Variants in UBE2V2 observed in about 807,000 individuals in gnomAD.
The protein encoded by UBE2V2 is ubiquitin conjugating enzyme E2 V2, also known as ubiquitin-conjugating enzyme E2 variant 2.
Under a neutral mutation model 17.2 loss-of-function variants are expected in UBE2V2, and 9 were observed. That is an observed-to-expected ratio of 0.52 (90% confidence interval 0.32 to 0.91). UBE2V2 has a LOEUF of 0.91. Among genes scored for constraint, UBE2V2 ranks in the 40% least tolerant of loss-of-function variants. The pLI, the probability that UBE2V2 is intolerant of heterozygous loss-of-function variation, is 0.04. For missense variants in UBE2V2, 133 were observed against 182.6 expected, an observed-to-expected ratio of 0.73 and a Z score of 1.56; for synonymous variants, 61 against 57.5, an observed-to-expected ratio of 1.06 and a Z score of -0.28.
intron 1 of UBE2V2, among the ~76,000 whole-genome samples, chr8:48,025,700 C>T (rs2091339469): frequency 6.6e-6 from 1 of 151,530 alleles, no homozygotes. Context: ...CCTGGGTTCA[C>T]GCCATTCTCT....
upstream of UBE2V2, among the ~76,000 whole-genome samples, chr8:48,003,922 G>A (rs960263669): frequency 7.2e-5 from 11 of 152,162 alleles, no homozygotes; most frequent in African/African-American, 2.4e-4. Flanking sequence ...ATCCACTGGA[G>A]AGAGATGGGA....
intron 1 of UBE2V2, among the ~76,000 whole-genome samples, chr8:48,014,182 A>G (rs2091251994): frequency 6.6e-6 from 1 of 152,126 alleles, no homozygotes. Context: ...CATGCTTTTG[A>G]TAATATGGTA....
chr8:48,004,587 A>G (rs2091171897), upstream of UBE2V2, among the ~76,000 whole-genome samples: 1 of 145,794 alleles, frequency 6.9e-6, no homozygotes, highest in Non-Finnish European at 1.5e-5. Context: ...GCTGGAGTGC[A>G]GTGGTGTGAT....
At chr8:48,010,382 A>ACCG (rs979373031) in intron 1 of UBE2V2, among the ~76,000 whole-genome samples, 5 of 144,340 alleles carry the variant, frequency 3.5e-5, no homozygotes, top group African/African-American at 1.3e-4. Flanking sequence ...GGGGTGAGCC[A>ACCG]CCGTTCCCAT....
chr8:48,007,006 G>T (rs979281754), upstream of UBE2V2, among the ~76,000 whole-genome samples: 1 of 151,120 alleles, frequency 6.6e-6, no homozygotes, highest in Non-Finnish European at 1.5e-5. Flanking sequence ...TCAGCCTCCC[G>T]AGTAGCTGGG....
chr8:48,047,203 A>C (rs765247874), intron 2 of UBE2V2, among the ~76,000 whole-genome samples: 1 of 152,014 alleles, frequency 6.6e-6, no homozygotes, highest in African/African-American at 2.4e-5. Context: ...GGCCTCCCAA[A>C]GTGTTAGGAT....
chr8:48,007,141 G>A (rs532120845), upstream of UBE2V2, among the ~76,000 whole-genome samples: 10 of 151,664 alleles, frequency 6.6e-5, no homozygotes, highest in East Asian at 3.9e-4. Flanking sequence ...GCCCGCCTCC[G>A]CCTCCCAAAG....
chr8:48,052,911 A>C (rs975480198), intron 3 of UBE2V2, among the ~76,000 whole-genome samples: 6 of 151,678 alleles, frequency 4.0e-5, no homozygotes, highest in African/African-American at 1.5e-4. Flanking sequence ...TGTAAATTCC[A>C]CTTTCTTTTT....
chr8:48,049,087 C>T (rs2091518690), intron 2 of UBE2V2, among the ~76,000 whole-genome samples: 2 of 152,042 alleles, frequency 1.3e-5, no homozygotes, highest in African/African-American at 2.4e-5. Flanking sequence ...AAAATAAGCC[C>T]TGGATAATCT....
intron 1 of UBE2V2, among the ~76,000 whole-genome samples, chr8:48,037,404 A>G (rs1320200117): frequency 6.6e-6 from 1 of 152,234 alleles, no homozygotes. Context: ...GCCTTCCTGT[A>G]CTAGGCTCTT....
At chr8:48,023,576 C>G (rs1028263522) in intron 1 of UBE2V2, among the ~76,000 whole-genome samples, 1 of 151,978 alleles carries the variant, frequency 6.6e-6, no homozygotes, top group African/African-American at 2.4e-5. Context: ...CAGTAACATT[C>G]AGTGTTCAGG....
At chr8:48,060,223 A>G (rs1369701448) in intron 3 of UBE2V2, among the ~76,000 whole-genome samples, 1 of 150,984 alleles carries the variant, frequency 6.6e-6, no homozygotes, top group Non-Finnish European at 1.5e-5. Flanking sequence ...AAAAAAAAAA[A>G]AAAAAAAAAA....
rs139499482 is a variant in UBE2V2, at chr8:48,023,104, T to G, written c.16+14634T>G. ...TCTTTGACAGTTTGGTTATAACATG[T>G]CTTGGAGTAGTCTTATTTGGGTTGA... On this transcript the variant is annotated intron_variant, in intron 1 of 3. Transcript: ENST00000523111. Among the ~76,000 whole-genome samples, 516 of 152,284 alleles carry G rather than the reference T, an allele frequency of 3.4e-3. 1 individual carries two copies. The highest frequency in any genetic ancestry group is 5.6e-3 in the Non-Finnish European group (380 of 68,026).
intron 1 of UBE2V2, among the ~76,000 whole-genome samples, chr8:48,032,757 C>T (rs2091392609): frequency 6.6e-6 from 1 of 152,124 alleles, no homozygotes; most frequent in South Asian, 2.1e-4. Context: ...CATGCACACA[C>T]ACCCCAGCAT....
chr8:48,016,188 C>T (rs973148148), intron 1 of UBE2V2, among the ~76,000 whole-genome samples: 72 of 152,076 alleles, frequency 4.7e-4, no homozygotes, highest in African/African-American at 1.6e-3. Flanking sequence ...TGAGCCACCG[C>T]GCTCAGCCTA....
chr8:48,013,402 G>T (rs1431632209), intron 1 of UBE2V2, among the ~76,000 whole-genome samples: 6 of 151,786 alleles, frequency 4.0e-5, no homozygotes, highest in Admixed American at 3.9e-4. Flanking sequence ...CTGCCTCCTG[G>T]GTTCATGCCA....
At chr8:48,006,972 C>A (rs1205541707), upstream of UBE2V2, among the ~76,000 whole-genome samples, 8 of 151,284 alleles carry the variant, frequency 5.3e-5, no homozygotes, top group East Asian at 1.4e-3. Flanking sequence ...GCTCCAACTC[C>A]CGGGTTCACG....
chr8:48,030,159 G>A (rs1336047691), intron 1 of UBE2V2, among the ~76,000 whole-genome samples: 1 of 152,124 alleles, frequency 6.6e-6, no homozygotes, highest in Non-Finnish European at 1.5e-5. Flanking sequence ...GAAATCTTCT[G>A]CAATAACTTA....
At chr8:48,036,447 T>C (rs2091425758) in intron 1 of UBE2V2, among the ~76,000 whole-genome samples, 1 of 151,324 alleles carries the variant, frequency 6.6e-6, no homozygotes, top group African/African-American at 2.4e-5. Flanking sequence ...AAATATATAT[T>C]TTTTGAGACA....
Sources: allele counts gnomAD v4.1 joint callset (sites outside exome capture counted in the v4.1 genomes callset), GRCh38; gene constraint gnomAD v4.1.1; transcripts MANE v1.5; gene names NCBI Gene and HGNC (gene_info 2026-07-23, HGNC 2026-07-21).